Variants in UTP6 observed in about 807,000 individuals in gnomAD.
UTP6 encodes U3 small nucleolar RNA-associated protein 6 homolog.
UTP6 carries 60 observed loss-of-function variants against 96.5 expected under a neutral mutation model. The observed-to-expected ratio is 0.62, with a 90% confidence interval of 0.51 to 0.77. The LOEUF (loss-of-function observed/expected upper bound fraction) is 0.77, where lower values mean the gene tolerates loss of function less well. Ranked by LOEUF, UTP6 falls within the 30% of genes least tolerant of loss-of-function variation. The pLI, the probability that UTP6 is intolerant of heterozygous loss-of-function variation, is 0.00. For synonymous variants in UTP6, 215 were observed against 240.1 expected (o/e 0.90, Z 0.96); for missense variants, 637 against 706.5 (o/e 0.90, Z 1.12).
chr17:31,899,780 G>T, intron 1 of UTP6, 50 bp from the exon 2 acceptor site: 2 of 1,283,056 alleles, frequency 1.6e-6, no homozygotes, highest in Non-Finnish European at 2.2e-6. Context: ...AAAATTAAAC[G>T]TTTAAGTTTA....
chr17:31,878,434 C>A, intron 12 of UTP6, 107 bp from the exon 13 acceptor site: 1 of 1,115,152 alleles, frequency 9.0e-7, no homozygotes, highest in Non-Finnish European at 1.3e-6. Context: ...TTCAAAGAAG[C>A]TGACTTGCTC....
At chr17:31,878,618 C>G (rs974390667) in intron 12 of UTP6, 84 bp downstream of exon 12, 11 of 1,297,664 alleles carry the variant, frequency 8.5e-6, no homozygotes, top group African/African-American at 1.5e-5. Flanking sequence ...AGAAACTGTG[C>G]CAGACACCAA....
At chr17:31,892,222 A>C (rs747948026) in intron 6 of UTP6, 38 bp downstream of exon 6, 19 of 1,609,040 alleles carry the variant, frequency 1.2e-5, no homozygotes, top group Non-Finnish European at 1.6e-5. Context: ...CTTGAGTCTA[A>C]ATAAAACATA....
At chr17:31,885,958 A>C (rs1014279861) in intron 9 of UTP6, 22 bp downstream of exon 9, 72 of 1,592,676 alleles carry the variant, frequency 4.5e-5, no homozygotes, top group Non-Finnish European at 5.6e-5. Context: ...CCTACCAAAA[A>C]TAATGTTCAA....
At chr17:31,876,270 C>T (rs1910498321) in intron 13 of UTP6, among the ~76,000 whole-genome samples, 1 of 151,550 alleles carries the variant, frequency 6.6e-6, no homozygotes, top group African/African-American at 2.4e-5. Context: ...CTCCTGACCT[C>T]AGATGATCCA....
At chr17:31,868,194 G>T in intron 16 of UTP6, 82 bp from the exon 17 acceptor site, 2 of 1,274,208 alleles carry the variant, frequency 1.6e-6, no homozygotes, top group Non-Finnish European at 2.2e-6. Flanking sequence ...CGAGACCAGT[G>T]CCTCCACAAC....
intron 16 of UTP6, among the ~76,000 whole-genome samples, chr17:31,869,312 G>A (rs1039746332): frequency 2.6e-5 from 4 of 151,746 alleles, no homozygotes; most frequent in African/African-American, 4.8e-5. Flanking sequence ...GAGACCATAG[G>A]TGCAAACTGC....
intron 18 of UTP6, among the ~76,000 whole-genome samples, chr17:31,864,640 T>C (rs1261792405): frequency 6.6e-6 from 1 of 152,188 alleles, no homozygotes; most frequent in Non-Finnish European, 1.5e-5. Flanking sequence ...TTTTTGTTTT[T>C]GAGACAGGAT....
At chr17:31,898,507 A>G (rs185569264) in intron 2 of UTP6, among the ~76,000 whole-genome samples, 2 of 151,978 alleles carry the variant, frequency 1.3e-5, no homozygotes, top group African/African-American at 4.8e-5. Context: ...CCTGGGCAAT[A>G]AGAGTGAAAC....
intron 5 of UTP6, 103 bp downstream of exon 5, chr17:31,892,642 TCA>T: frequency 7.1e-7 from 1 of 1,409,834 alleles, no homozygotes; most frequent in Non-Finnish European, 9.8e-7. Context: ...GGTTCTTTTT[TCA>T]TGTTAACCCT....
rs187340425 is a variant in UTP6 at position 31,881,512 on chromosome 17, T to G, written c.786-758A>C. On this transcript the variant is annotated intron_variant, in intron 10 of 18. Transcript: ENST00000261708. ...TCAAACTCTTGACCTCAAGTGATCCTCCTGCCTTGGGCTCCCAAAGTGCTG... is the reference window on the plus strand; with the variant it reads ...TCAAACTCTTGACCTCAAGTGATCCGCCTGCCTTGGGCTCCCAAAGTGCTG... Among the ~76,000 whole-genome samples, 278 of 152,142 alleles carry G rather than the reference T, an allele frequency of 1.8e-3. 2 individuals are homozygous for G. In the Middle Eastern group the frequency reaches 0.021, roughly 11 times the overall value.
intron 13 of UTP6, among the ~76,000 whole-genome samples, chr17:31,877,200 A>G (rs1910547760): frequency 6.6e-6 from 1 of 152,202 alleles, no homozygotes; most frequent in African/African-American, 2.4e-5. Context: ...TGGGACTTCT[A>G]CATTAACAAA....
chr17:31,888,753 T>C (rs1469566799), intron 7 of UTP6, among the ~76,000 whole-genome samples: 1 of 152,010 alleles, frequency 6.6e-6, no homozygotes. Context: ...CTAGCCTCCA[T>C]AAATTGAAGC....
intron 6 of UTP6, chr17:31,892,032 AG>A: frequency 1.9e-6 from 1 of 518,842 alleles, no homozygotes; most frequent in East Asian, 3.2e-5. Flanking sequence ...CAAAAAAAAA[AG>A]AAATACAGTC....
Position 31,861,059 on chromosome 17 carries a change from C to T in UTP6, c.*2300G>A. The T allele has an allele frequency of 6.6e-6, 1 of 151,992 alleles. No individual in the cohort carries two copies. Among genetic ancestry groups the T allele is most frequent in the East Asian group, 1.9e-4 (1 of 5,186 alleles). 9.4% of individuals were successfully genotyped at this position (151,992 alleles called of 1,614,324 possible). A position where few individuals can be genotyped will look rare whatever the true frequency, so the allele number is the denominator to read the frequency against. On this transcript the variant is annotated 3_prime_UTR_variant, in exon 19 of 19. Coordinates refer to ENST00000261708, the MANE Select transcript of UTP6 (RefSeq NM_018428.3). The stretch of plus-strand genomic sequence containing the variant: ...TCCAAAGCATTTTAAAAACAGACAT[C>T]ACACATACACACACAAAATACCTCT...
intron 1 of UTP6, 88 bp downstream of exon 1, chr17:31,901,448 C>T: frequency 8.1e-7 from 1 of 1,236,084 alleles, no homozygotes; most frequent in Non-Finnish European, 1.2e-6. Flanking sequence ...AAACACAGGT[C>T]GAGCGTCCCC....
intron 2 of UTP6, among the ~76,000 whole-genome samples, chr17:31,897,245 TGCACTCCAGCCTGG>T (rs1246388403): frequency 6.6e-6 from 1 of 151,858 alleles, no homozygotes; most frequent in African/African-American, 2.4e-5. Context: ...CTCGCACCAT[TGCACTCCAGCCTGG>T]GCAAGAGTGA....
chr17:31,899,797 A>T, intron 1 of UTP6, 67 bp from the exon 2 acceptor site: 1 of 1,153,314 alleles, frequency 8.7e-7, no homozygotes, highest in South Asian at 1.5e-5. Flanking sequence ...TTTATTTTGA[A>T]TATATTTAAA....
chr17:31,875,781 C>T (rs1910463807), intron 13 of UTP6, among the ~76,000 whole-genome samples: 1 of 150,268 alleles, frequency 6.7e-6, no homozygotes, highest in Non-Finnish European at 1.5e-5. Context: ...TGAGATCACA[C>T]CACTGCACTC....
Sources: gnomAD v4.1 joint callset for allele counts (sites outside exome capture counted in the v4.1 genomes callset) on GRCh38, gnomAD v4.1.1 for gene constraint, MANE v1.5 for transcripts, NCBI Gene and HGNC (gene_info 2026-07-23, HGNC 2026-07-21) for gene names.